Variants in POU6F2 observed in about 807,000 individuals in gnomAD.
The protein encoded by POU6F2 is POU class 6 homeobox 2, also known as POU domain, class 6, transcription factor 2.
POU6F2 carries 31 observed loss-of-function variants against 71.3 expected under a neutral mutation model. The ratio of observed to expected loss-of-function variants is 0.43; its 90% CI spans 0.33 to 0.59. The LOEUF is 0.59. POU6F2 is among the 20% of genes least tolerant of loss of function. The pLI, the probability that POU6F2 is intolerant of heterozygous loss-of-function variation, is 0.04. For synonymous variants in POU6F2, 347 were observed against 355.7 expected (o/e 0.98, Z 0.27); for missense variants, 783 against 856.8 (o/e 0.91, Z 1.07).
intron 4 of POU6F2, among the ~76,000 whole-genome samples, chr7:39,290,760 T>G (rs1784739450): frequency 6.6e-6 from 1 of 152,156 alleles, no homozygotes; most frequent in South Asian, 2.1e-4. Flanking sequence ...CTACCTGTCC[T>G]CCTTCAGGGA....
At chr7:39,385,823 C>G (rs1786925652) in intron 5 of POU6F2, among the ~76,000 whole-genome samples, 1 of 152,136 alleles carries the variant, frequency 6.6e-6, no homozygotes, top group South Asian at 2.1e-4. Flanking sequence ...CAAGGCCATG[C>G]CCCTTTCTAG....
chr7:39,313,652 G>C (rs1471092593), intron 4 of POU6F2, among the ~76,000 whole-genome samples: 1 of 152,108 alleles, frequency 6.6e-6, no homozygotes, highest in Admixed American at 6.5e-5. Flanking sequence ...GAGGGTAATA[G>C]CAGTTAAACG....
chr7:39,327,056 T>G (rs554100179), intron 4 of POU6F2, among the ~76,000 whole-genome samples: 16 of 152,102 alleles, frequency 1.1e-4, no homozygotes, highest in South Asian at 2.1e-4. Flanking sequence ...GAGGTGGGCG[T>G]ATCACGAGGT....
At chr7:39,368,508 C>T (rs1786549959) in intron 5 of POU6F2, among the ~76,000 whole-genome samples, 1 of 152,238 alleles carries the variant, frequency 6.6e-6, no homozygotes, top group African/African-American at 2.4e-5. Context: ...GATGTAGAAG[C>T]TGCAGCAAGT....
chr7:38,985,307 T>C (rs1049272895), intron 1 of POU6F2, among the ~76,000 whole-genome samples: 2 of 152,206 alleles, frequency 1.3e-5, no homozygotes, highest in East Asian at 3.9e-4. Flanking sequence ...AAATGTAAAA[T>C]GCTGCTTAAT....
At chr7:39,036,711 A>G (rs1790073212) in intron 1 of POU6F2, among the ~76,000 whole-genome samples, 1 of 152,020 alleles carries the variant, frequency 6.6e-6, no homozygotes. Context: ...AGGAATACCC[A>G]GCAAATGGAA....
intron 2 of POU6F2, among the ~76,000 whole-genome samples, chr7:39,119,300 G>C (rs891499259): frequency 6.6e-6 from 1 of 152,110 alleles, no homozygotes; most frequent in Non-Finnish European, 1.5e-5. Context: ...AAGAAATAAT[G>C]ATTTACAGAT....
At chr7:39,350,419 T>G (rs1209108513) in intron 5 of POU6F2, among the ~76,000 whole-genome samples, 1 of 152,124 alleles carries the variant, frequency 6.6e-6, no homozygotes, top group East Asian at 1.9e-4. Flanking sequence ...CTTGGTTTTT[T>G]GGGGTTTTTT....
intron 4 of POU6F2, among the ~76,000 whole-genome samples, chr7:39,292,488 G>A (rs1445044466): frequency 2.6e-5 from 4 of 152,214 alleles, no homozygotes; most frequent in African/African-American, 7.2e-5. Flanking sequence ...CCAACAGAGC[G>A]TAAATCAACA....
chr7:39,403,701 G>A (rs1428282007), intron 5 of POU6F2, among the ~76,000 whole-genome samples: 1 of 152,144 alleles, frequency 6.6e-6, no homozygotes, highest in African/African-American at 2.4e-5. Context: ...GACATGACCC[G>A]AGGTGATGAG....
chr7:38,982,572 T>C (rs1788350693), intron 1 of POU6F2, among the ~76,000 whole-genome samples: 1 of 152,256 alleles, frequency 6.6e-6, no homozygotes, highest in East Asian at 1.9e-4. Flanking sequence ...TTATTATGTT[T>C]AGAATTTTTA....
chr7:39,422,638 G>A (rs909211457), intron 6 of POU6F2, among the ~76,000 whole-genome samples: 1 of 152,166 alleles, frequency 6.6e-6, no homozygotes, highest in South Asian at 2.1e-4. Context: ...CTGTGGTGCG[G>A]CCACTGAGGA....
chr7:39,252,448 G>A (rs1783943238), intron 4 of POU6F2, among the ~76,000 whole-genome samples: 1 of 149,706 alleles, frequency 6.7e-6, no homozygotes, highest in African/African-American at 2.5e-5. Flanking sequence ...GGAATCCTGA[G>A]CAACACTAGA....
intron 2 of POU6F2, among the ~76,000 whole-genome samples, chr7:39,120,190 G>A (rs1792011085): frequency 6.6e-6 from 1 of 152,128 alleles, no homozygotes; most frequent in African/African-American, 2.4e-5. Flanking sequence ...TTTTAATAGA[G>A]GTAGGGTCTC....
chr7:39,453,448 A>G (rs1393983928), intron 8 of POU6F2, among the ~76,000 whole-genome samples: 1 of 152,246 alleles, frequency 6.6e-6, no homozygotes, highest in Non-Finnish European at 1.5e-5. Context: ...TCCTGAAAGA[A>G]AAAGAACCAA....
chr7:39,326,314 T>G (rs1049445377), intron 4 of POU6F2, among the ~76,000 whole-genome samples: 2 of 152,226 alleles, frequency 1.3e-5, no homozygotes, highest in East Asian at 3.8e-4. Context: ...CAAAGAACCG[T>G]TATCCAAGGA....
At chr7:39,436,330 G>T (rs1322891622) in intron 7 of POU6F2, among the ~76,000 whole-genome samples, 1 of 151,928 alleles carries the variant, frequency 6.6e-6, no homozygotes, top group Admixed American at 6.6e-5. Context: ...CCTTGAAAAG[G>T]TCCTTCATAT....
At chr7:39,099,093 GA>G (rs1791517996) in intron 2 of POU6F2, among the ~76,000 whole-genome samples, 1 of 152,162 alleles carries the variant, frequency 6.6e-6, no homozygotes, top group Admixed American at 6.5e-5. Flanking sequence ...TTCTACAGGG[GA>G]CAATAGTTCA....
At chr7:39,344,548 G>A (rs10251004) in intron 5 of POU6F2, among the ~76,000 whole-genome samples, 85,988 of 151,872 alleles carry the variant, frequency 0.57, 24,548 homozygotes, top group East Asian at 0.74. Context: ...CAAAGCCTTG[G>A]GAAGGAGCTA....
Sources: gnomAD v4.1 joint callset for allele counts (sites outside exome capture counted in the v4.1 genomes callset) on GRCh38, gnomAD v4.1.1 for gene constraint, MANE v1.5 for transcripts, NCBI Gene and HGNC (gene_info 2026-07-23, HGNC 2026-07-21) for gene names.